The following PTPRK variants were observed in gnomAD, a reference collection of about 807,000 sequenced individuals.
The protein encoded by PTPRK is protein tyrosine phosphatase receptor type K.
PTPRK carries 75 observed loss-of-function variants against 178.0 expected under a neutral mutation model. The ratio of observed to expected loss-of-function variants is 0.42; its 90% CI spans 0.35 to 0.51. The LOEUF is 0.51. Ranked by LOEUF, PTPRK falls within the 20% of genes least tolerant of loss-of-function variation. The probability of loss-of-function intolerance (pLI) is 0.02; values close to 1 mark genes in which losing one functional copy is unlikely to be tolerated. For missense variants in PTPRK, 1,441 were observed against 1,797.8 expected (o/e 0.80, Z 3.59); for synonymous variants, 637 against 620.6 (o/e 1.03, Z -0.39).
intron 1 of PTPRK, among the ~76,000 whole-genome samples, chr6:128,401,393 T>C (rs1347237463): frequency 6.6e-6 from 1 of 152,206 alleles, no homozygotes; most frequent in Non-Finnish European, 1.5e-5. Flanking sequence ...TCTTGAGTGC[T>C]TATTTAAACA....
At chr6:127,971,199 A>G (rs1453532071) in intron 29 of PTPRK, among the ~76,000 whole-genome samples, 1 of 152,186 alleles carries the variant, frequency 6.6e-6, no homozygotes, top group African/African-American at 2.4e-5. Flanking sequence ...CCATCTATGG[A>G]CTTGCTCCAT....
chr6:128,280,414 CT>C (rs909390178), intron 3 of PTPRK, among the ~76,000 whole-genome samples: 4 of 152,100 alleles, frequency 2.6e-5, no homozygotes, highest in African/African-American at 9.7e-5. Flanking sequence ...CCTTCTCCTC[CT>C]TGTGACTATC....
intron 1 of PTPRK, among the ~76,000 whole-genome samples, chr6:128,464,638 C>T (rs9402042): frequency 2.9e-3 from 139 of 48,564 alleles, no homozygotes; most frequent in East Asian, 3.3e-3. Context: ...TATATATACA[C>T]ATATATATAT....
chr6:128,257,354 G>A (rs1261091832), intron 3 of PTPRK, among the ~76,000 whole-genome samples: 1 of 151,938 alleles, frequency 6.6e-6, no homozygotes, highest in Non-Finnish European at 1.5e-5. Context: ...GTGTTGTAAT[G>A]CCTTTAAAGG....
intron 1 of PTPRK, among the ~76,000 whole-genome samples, chr6:128,440,666 TAC>T (rs1323980503): frequency 1.2e-4 from 18 of 152,188 alleles, no homozygotes; most frequent in African/African-American, 4.3e-4. Context: ...TAGAAGGTAG[TAC>T]ACTATATGTG....
At chr6:127,991,578 C>T (rs898954144) in intron 19 of PTPRK, among the ~76,000 whole-genome samples, 187 bp from the exon 20 acceptor site, 4 of 125,476 alleles carry the variant, frequency 3.2e-5, no homozygotes, top group South Asian at 2.6e-4. Context: ...CAGGCATATA[C>T]AAGTTTTTTT....
At chr6:128,108,314 C>G (rs1192814959) in intron 7 of PTPRK, among the ~76,000 whole-genome samples, 2 of 151,632 alleles carry the variant, frequency 1.3e-5, no homozygotes, top group Non-Finnish European at 2.9e-5. Context: ...AATAAAATAA[C>G]AAAAGAAGAA....
At chr6:128,025,472 T>C (rs1424284578) in intron 13 of PTPRK, among the ~76,000 whole-genome samples, 1 of 152,206 alleles carries the variant, frequency 6.6e-6, no homozygotes, top group Non-Finnish European at 1.5e-5. Context: ...CTAGCTCAAA[T>C]AAGATCAAAT....
At chr6:128,411,127 A>G (rs1283946058) in intron 1 of PTPRK, among the ~76,000 whole-genome samples, 13 of 152,130 alleles carry the variant, frequency 8.5e-5, no homozygotes, top group Non-Finnish European at 1.8e-4. Flanking sequence ...TTCTGAGCTC[A>G]TGCGATTCAC....
chr6:128,226,593 G>A (rs1406552070), intron 5 of PTPRK, among the ~76,000 whole-genome samples: 1 of 151,990 alleles, frequency 6.6e-6, no homozygotes, highest in African/African-American at 2.4e-5. Flanking sequence ...GTGAACAACA[G>A]CTTCAGTCTG....
intron 6 of PTPRK, among the ~76,000 whole-genome samples, chr6:128,190,199 C>T (rs1304592332): frequency 6.6e-6 from 1 of 152,056 alleles, no homozygotes; most frequent in Non-Finnish European, 1.5e-5. Context: ...CCTACACTGC[C>T]AGTTTAAAAA....
intron 1 of PTPRK, among the ~76,000 whole-genome samples, chr6:128,424,065 T>TAA (rs139100585): frequency 7.7e-4 from 86 of 112,006 alleles, no homozygotes; most frequent in Middle Eastern, 5.3e-3. Context: ...CTACAAAAAG[T>TAA]AAAAAAAAAA....
intron 3 of PTPRK, among the ~76,000 whole-genome samples, chr6:128,286,546 C>T (rs1443124168): frequency 6.6e-6 from 1 of 152,120 alleles, no homozygotes; most frequent in Non-Finnish European, 1.5e-5. Flanking sequence ...ATTTTCCTCT[C>T]TCTTGAGCAC....
chr6:128,322,803 C>T (rs138064453), intron 2 of PTPRK, among the ~76,000 whole-genome samples: 3 of 152,036 alleles, frequency 2.0e-5, no homozygotes, highest in African/African-American at 7.2e-5. Flanking sequence ...AACAATGGAA[C>T]CATTTCTAAT....
Position 128,513,493 on chromosome 6 carries a change from A to AAAAG in PTPRK, c.100+6762_100+6765dup, listed in dbSNP as rs562818808. On this transcript the variant is annotated intron_variant, in intron 1 of 29. Transcript: ENST00000368226. Reference sequence around the variant, plus strand: ...GCAAGACTCCATCTCCAAAAAAAAAAAAAGAAAGAAAGAAAGAAAGAAATA... The same window carrying AAAAG: ...GCAAGACTCCATCTCCAAAAAAAAAAAAAGAAAGAAAGAAAGAAAGAAAGAAATA... 9.1e-3 allele frequency among the ~76,000 whole-genome samples: 1,374 copies of AAAAG among 150,310 alleles called. 22 individuals are homozygous for AAAAG. The highest frequency in any genetic ancestry group is 0.031 in the African/African-American group (1,247 of 40,424).
chr6:128,060,087 A>T (rs537060725), intron 13 of PTPRK, among the ~76,000 whole-genome samples: 1 of 152,126 alleles, frequency 6.6e-6, no homozygotes, highest in Non-Finnish European at 1.5e-5. Flanking sequence ...CCGGGGTCCA[A>T]TGTGAAGTGA....
intron 2 of PTPRK, among the ~76,000 whole-genome samples, chr6:128,365,109 G>A (rs1835305365): frequency 6.6e-6 from 1 of 152,034 alleles, no homozygotes; most frequent in Non-Finnish European, 1.5e-5. Context: ...TGAGCACTGT[G>A]ATTCAACCTC....
Position 128,082,501 on chromosome 6 carries a change from T to C in PTPRK, c.1713A>G (p.Ile571Met). ...CAAAGCCTTTGACCGTGCTGGCTCTTATGAAAAACTGGTACGTGGTTCCAG... is the reference window on the plus strand; with the variant it reads ...CAAAGCCTTTGACCGTGCTGGCTCTCATGAAAAACTGGTACGTGGTTCCAG... ...LHPGTTYQFF[I>M]RASTVKGFGP... Residue 571 changes from isoleucine to methionine, a missense_variant, in exon 10 of 30, where the codon ATA (isoleucine) becomes ATG (methionine). Ile to Met is a conservative substitution (Grantham distance 10). Transcript: ENST00000368226. The C allele has an allele frequency of 6.2e-7, 1 of 1,613,530 alleles. No individual in the cohort carries two copies. Among genetic ancestry groups the C allele is most frequent in the Non-Finnish European group, 8.5e-7 (1 of 1,179,634 alleles).
intron 7 of PTPRK, among the ~76,000 whole-genome samples, chr6:128,094,571 T>C (rs1434942772): frequency 1.3e-5 from 2 of 152,118 alleles, no homozygotes; most frequent in Non-Finnish European, 2.9e-5. Context: ...GGTAAAATGA[T>C]CCAATAATTT....
Sources: gnomAD v4.1 joint callset for allele counts (sites outside exome capture counted in the v4.1 genomes callset) on GRCh38, gnomAD v4.1.1 for gene constraint, MANE v1.5 for transcripts, NCBI Gene and HGNC (gene_info 2026-07-23, HGNC 2026-07-21) for gene names.